TRDN: variants seen among roughly 807,000 people sequenced by gnomAD.
The protein encoded by TRDN is triadin.
A neutral mutation model predicts 149.7 loss-of-function variants in TRDN; 161 were observed. That is an observed-to-expected ratio of 1.08 (90% CI 0.95 to 1.23). TRDN has a LOEUF of 1.23. Among genes scored for constraint, TRDN ranks in the 50% most tolerant of loss-of-function variants. The pLI, the probability that TRDN is intolerant of heterozygous loss-of-function variation, is 0.00. For synonymous variants in TRDN, 294 were observed against 250.5 expected (o/e 1.17, Z -1.64); for missense variants, 896 against 823.5 (o/e 1.09, Z -1.08).
At chr6:123,337,777 G>A (rs994097904) in intron 21 of TRDN, 108 bp from the exon 22 acceptor site, 1 of 573,844 alleles carries the variant, frequency 1.7e-6, no homozygotes, top group Middle Eastern at 2.7e-4. Flanking sequence ...CAGGGCATCT[G>A]AGTTGATATT....
intron 30 of TRDN, 34 bp from the exon 31 acceptor site, chr6:123,269,900 G>C (rs1302432004): frequency 6.2e-7 from 1 of 1,605,666 alleles, no homozygotes; most frequent in Non-Finnish European, 8.5e-7. Flanking sequence ...ATGGCATATT[G>C]ATGAGTACAA....
intron 21 of TRDN, among the ~76,000 whole-genome samples, chr6:123,343,249 G>A (rs1780129345): frequency 6.6e-6 from 1 of 151,620 alleles, no homozygotes; most frequent in South Asian, 2.1e-4. Flanking sequence ...ACACTTTTAT[G>A]CCCATTTATT....
At chr6:123,371,519 A>G (rs931085708) in intron 19 of TRDN, among the ~76,000 whole-genome samples, 1 of 152,190 alleles carries the variant, frequency 6.6e-6, no homozygotes, top group African/African-American at 2.4e-5. Context: ...CATGCTTTAT[A>G]GTGCCATGTT....
At chr6:123,362,389 T>C (rs1315544948) in intron 20 of TRDN, among the ~76,000 whole-genome samples, 1 of 152,188 alleles carries the variant, frequency 6.6e-6, no homozygotes, top group Non-Finnish European at 1.5e-5. Context: ...ACCTCCCTAA[T>C]TGCCCATGGA....
intron 23 of TRDN, among the ~76,000 whole-genome samples, chr6:123,317,217 C>A (rs1779059903): frequency 6.6e-6 from 1 of 151,712 alleles, no homozygotes; most frequent in South Asian, 2.1e-4. Context: ...ATCCTTTTAT[C>A]TAACCAACTT....
chr6:123,576,924 T>C (rs1231612243), intron 1 of TRDN, among the ~76,000 whole-genome samples: 1 of 151,834 alleles, frequency 6.6e-6, no homozygotes, highest in East Asian at 1.9e-4. Flanking sequence ...GTGACATCAG[T>C]TTACATATAA....
At chr6:123,359,378 T>G (rs2114330426) in intron 20 of TRDN, among the ~76,000 whole-genome samples, 1 of 152,318 alleles carries the variant, frequency 6.6e-6, no homozygotes, top group African/African-American at 2.4e-5. Flanking sequence ...TTTAACAAGC[T>G]TGGATTTTTA....
At chr6:123,613,181 G>A (rs144243257) in intron 1 of TRDN, among the ~76,000 whole-genome samples, 2 of 152,242 alleles carry the variant, frequency 1.3e-5, no homozygotes, top group East Asian at 3.9e-4. Context: ...CTCATATTGT[G>A]TGCCAACAGT....
intron 23 of TRDN, among the ~76,000 whole-genome samples, chr6:123,325,351 C>G (rs569729204): frequency 1.3e-5 from 2 of 151,884 alleles, no homozygotes; most frequent in South Asian, 4.2e-4. Flanking sequence ...GACTAGGCAC[C>G]AAGAAACTCA....
At chr6:123,274,723 G>A in intron 26 of TRDN, 53 bp from the exon 27 acceptor site, 2 of 1,490,392 alleles carry the variant, frequency 1.3e-6, no homozygotes, top group South Asian at 1.2e-5. Context: ...AAACTAGAAT[G>A]AAAATTAATT....
chr6:123,383,526 A>T (rs1216542257), intron 14 of TRDN, among the ~76,000 whole-genome samples: 4 of 152,208 alleles, frequency 2.6e-5, no homozygotes, highest in Non-Finnish European at 5.9e-5. Context: ...CATATTAAAC[A>T]CTACCCTCTG....
At chr6:123,290,149 C>A (rs1412876889) in intron 24 of TRDN, among the ~76,000 whole-genome samples, 1 of 152,132 alleles carries the variant, frequency 6.6e-6, no homozygotes, top group Non-Finnish European at 1.5e-5. Flanking sequence ...TTGAGTAATG[C>A]AGTTCACTCC....
intron 4 of TRDN, among the ~76,000 whole-genome samples, chr6:123,543,892 A>C (rs1421477403): frequency 6.6e-6 from 1 of 151,868 alleles, no homozygotes; most frequent in Non-Finnish European, 1.5e-5. Context: ...CACCTCTCTC[A>C]CGAAAATTTT....
At chr6:123,305,672 A>G (rs1277012927) in intron 24 of TRDN, among the ~76,000 whole-genome samples, 2 of 152,126 alleles carry the variant, frequency 1.3e-5, no homozygotes, top group Admixed American at 1.3e-4. Context: ...TTGGAACAAG[A>G]TTCCTTATTA....
intron 5 of TRDN, among the ~76,000 whole-genome samples, chr6:123,528,375 G>T (rs1362903774): frequency 1.3e-5 from 2 of 151,098 alleles, no homozygotes; most frequent in East Asian, 3.9e-4. Flanking sequence ...ATATCATATT[G>T]TCCCTTGAAG....
intron 1 of TRDN, among the ~76,000 whole-genome samples, chr6:123,596,393 A>C (rs1784039077): frequency 6.6e-6 from 1 of 152,076 alleles, no homozygotes; most frequent in Non-Finnish European, 1.5e-5. Context: ...TGAAGCAACA[A>C]ATGCTAATGT....
At chr6:123,243,505 G>T (rs1195728845) in intron 38 of TRDN, among the ~76,000 whole-genome samples, 2 of 152,070 alleles carry the variant, frequency 1.3e-5, no homozygotes, top group Admixed American at 1.3e-4. Context: ...AGATACAAGA[G>T]AATTCTGAAA....
At chr6:123,500,057 CA>C (rs2114822013) in intron 8 of TRDN, among the ~76,000 whole-genome samples, 1 of 151,794 alleles carries the variant, frequency 6.6e-6, no homozygotes, top group Non-Finnish European at 1.5e-5. Flanking sequence ...TTCCTAGATC[CA>C]AAAATCATTC....
chr6:123,261,203 T>G (rs1036615692), intron 33 of TRDN, among the ~76,000 whole-genome samples: 1 of 151,794 alleles, frequency 6.6e-6, no homozygotes, highest in Non-Finnish European at 1.5e-5. Context: ...GTTTTCTTAG[T>G]TACAAATTAT....
Sources: gnomAD v4.1 joint callset for allele counts (sites outside exome capture counted in the v4.1 genomes callset) on GRCh38, gnomAD v4.1.1 for gene constraint, MANE v1.5 for transcripts, NCBI Gene and HGNC (gene_info 2026-07-23, HGNC 2026-07-21) for gene names.